The following TTC39C variants were observed in gnomAD, a reference collection of about 807,000 sequenced individuals.
TTC39C encodes tetratricopeptide repeat protein 39C.
TTC39C carries 33 observed loss-of-function variants against 76.3 expected under a neutral mutation model. That is an observed-to-expected ratio of 0.43 (90% CI 0.33 to 0.58). TTC39C has a LOEUF of 0.58. Ranked by LOEUF, TTC39C falls within the 20% of genes least tolerant of loss-of-function variation. The pLI is 0.04. For missense variants in TTC39C, 595 were observed against 701.4 expected (o/e 0.85, Z 1.71); for synonymous variants, 254 against 260.6 (o/e 0.97, Z 0.24).
chr18:24,109,794 C>T (rs1338537403), intron 6 of TTC39C, among the ~76,000 whole-genome samples: 1 of 152,044 alleles, frequency 6.6e-6, no homozygotes, highest in South Asian at 2.1e-4. Flanking sequence ...CACTTGAGGT[C>T]GGGAGCTCGA....
chr18:24,101,571 A>T (rs976448750), intron 6 of TTC39C, among the ~76,000 whole-genome samples: 1 of 148,390 alleles, frequency 6.7e-6, no homozygotes, highest in African/African-American at 2.5e-5. Context: ...AAAAAAAAAA[A>T]CATCCACATA....
At chr18:24,036,213 C>T (rs2083730388) in intron 1 of TTC39C, among the ~76,000 whole-genome samples, 1 of 152,034 alleles carries the variant, frequency 6.6e-6, no homozygotes, top group Admixed American at 6.6e-5. Flanking sequence ...ATTTGGGGTC[C>T]CTTGAGATTC....
In TTC39C at chr18:24,080,956, C is replaced by A. The variant is rs1211914774; in HGVS notation, c.815+17C>A. 6.3e-7 allele frequency: 1 copy of A among 1,584,326 alleles called. No homozygotes were observed. On this transcript the variant is annotated intron_variant, in intron 5 of 13. Coordinates refer to ENST00000317571, the MANE Select transcript of TTC39C (RefSeq NM_001135993.2). ...TTTAGCTACGTGAGTAGCTGTATTG[C>A]AATGCTTTGGTAGATAATATAGTGT... is the stretch of plus-strand genomic sequence containing the variant.
intron 1 of TTC39C, among the ~76,000 whole-genome samples, chr18:24,062,968 G>A (rs907690945): frequency 3.9e-5 from 6 of 152,042 alleles, no homozygotes; most frequent in African/African-American, 9.7e-5. Context: ...TCTCTTTCCC[G>A]TAGACCCACA....
intron 1 of TTC39C, among the ~76,000 whole-genome samples, chr18:24,024,847 C>G (rs1018453422): frequency 6.6e-6 from 1 of 152,114 alleles, no homozygotes; most frequent in Non-Finnish European, 1.5e-5. Context: ...GATTCAAACC[C>G]AAAATAAATA....
chr18:24,131,472 G>C (rs1015127066), intron 12 of TTC39C, among the ~76,000 whole-genome samples: 2 of 152,066 alleles, frequency 1.3e-5, no homozygotes, highest in Non-Finnish European at 2.9e-5. Flanking sequence ...CAGCACTTTG[G>C]GAGGCCAAGG....
In TTC39C at chr18:24,134,257, G is replaced by GTTTTTTTTTTTTTTTTTTTTTTTTTTT. The variant is rs1182625147; in HGVS notation, c.*1689_*1690insTTTTTTTTTTTTTTTTTTTTTTTTTTT. 1.2e-4 allele frequency: 6 copies of GTTTTTTTTTTTTTTTTTTTTTTTTTTT among 48,688 alleles called. 2 individuals carry two copies. Among genetic ancestry groups the GTTTTTTTTTTTTTTTTTTTTTTTTTTT allele is most frequent in the African/African-American group, 1.8e-4 (3 of 16,714 alleles). The allele number at this position is 48,688 out of a possible 1,614,324, so 3.0% of individuals were successfully genotyped here. A position where few individuals can be genotyped will look rare whatever the true frequency, so the allele number is the denominator to read the frequency against. ...TGGTGCCCAAAAATATTGGACATCT[G>GTTTTTTTTTTTTTTTTTTTTTTTTTTT]TTTTTTGTTTTTTTTTTTTTTTTTT... On this transcript the variant is annotated 3_prime_UTR_variant, in exon 14 of 14. Coordinates refer to ENST00000317571, the MANE Select transcript of TTC39C (RefSeq NM_001135993.2).
intron 1 of TTC39C, among the ~76,000 whole-genome samples, chr18:24,035,707 A>AT (rs1161729171): frequency 1.4e-4 from 11 of 80,008 alleles, no homozygotes; most frequent in Admixed American, 1.3e-3. Context: ...ATTTTCAGAC[A>AT]TTTCCCCCCC....
Position 24,130,251 on chromosome 18 carries a change from A to G in TTC39C, c.1519-62A>G, listed in dbSNP as rs986903733. 1.0e-5 allele frequency: 9 copies of G among 863,814 alleles called. No homozygotes were observed. The African/African-American group carries it at 1.4e-4, about 14-fold the overall frequency. The allele number at this position is 863,814 out of a possible 1,614,324, so 53.5% of individuals were successfully genotyped here. On this transcript the variant is annotated intron_variant, in intron 11 of 13. Transcript: ENST00000317571. Reference sequence around the variant, plus strand: ...CCCTTCCCGCCCCCTCTTGAAGATTATAATAAGCCTTATGCTAAGTAGGAA... The same window carrying G: ...CCCTTCCCGCCCCCTCTTGAAGATTGTAATAAGCCTTATGCTAAGTAGGAA...
chr18:24,023,933 CAT>C (rs201670543), intron 1 of TTC39C, among the ~76,000 whole-genome samples: 56 of 55,282 alleles, frequency 1.0e-3, no homozygotes, highest in African/African-American at 3.6e-3. Context: ...AATAAAATTA[CAT>C]ATATATATAT....
intron 7 of TTC39C, among the ~76,000 whole-genome samples, chr18:24,117,170 G>A (rs1228852437): frequency 1.3e-5 from 2 of 152,210 alleles, no homozygotes; most frequent in East Asian, 3.9e-4. Flanking sequence ...ATTAGAGAGC[G>A]TTACATGAAG....
intron 12 of TTC39C, among the ~76,000 whole-genome samples, chr18:24,131,020 C>CAAAAA (rs59161044): frequency 1.4e-4 from 2 of 14,412 alleles, no homozygotes; most frequent in African/African-American, 1.9e-4. Flanking sequence ...CTCATCTCTG[C>CAAAAA]AAAAAAAAAA....
intron 1 of TTC39C, among the ~76,000 whole-genome samples, chr18:24,053,769 G>C (rs963515088): frequency 6.6e-6 from 1 of 152,162 alleles, no homozygotes; most frequent in African/African-American, 2.4e-5. Context: ...CTGTGAAATT[G>C]GGACATTTCA....
At chr18:24,075,705 A>G (rs1302108175) in intron 4 of TTC39C, among the ~76,000 whole-genome samples, 1 of 142,634 alleles carries the variant, frequency 7.0e-6, no homozygotes, top group Non-Finnish European at 1.6e-5. Context: ...AAAAAAAAAC[A>G]AAAAAAAAAC....
intron 1 of TTC39C, among the ~76,000 whole-genome samples, chr18:24,009,146 CTG>C (rs2083377338): frequency 6.6e-6 from 1 of 152,176 alleles, no homozygotes. Flanking sequence ...CAACAAACCC[CTG>C]TGACATGAGT....
In TTC39C at chr18:24,132,947, T is replaced by C. The variant is rs539934052; in HGVS notation, c.*373T>C. 6.0e-6 allele frequency: 1 copy of C among 167,164 alleles called. No individual in the cohort carries two copies. Among genetic ancestry groups the C allele is most frequent in the African/African-American group, 2.4e-5 (1 of 42,254 alleles). The allele number at this position is 167,164 out of a possible 1,614,324, so 10.4% of individuals were successfully genotyped here. A position where few individuals can be genotyped will look rare whatever the true frequency, so the allele number is the denominator to read the frequency against. ...TATCTGAATGGGTAACATGATGAGG[T>C]ACCTGTAAAATTATTAACAATATCA... is the stretch of plus-strand genomic sequence containing the variant. On this transcript the variant is annotated 3_prime_UTR_variant, in exon 14 of 14. Transcript: ENST00000317571.
At chr18:24,099,035 G>GTGTT in intron 6 of TTC39C, among the ~76,000 whole-genome samples, 1 of 146,726 alleles carries the variant, frequency 6.8e-6, no homozygotes, top group Middle Eastern at 3.5e-3. Flanking sequence ...GTGTGTGTGT[G>GTGTT]TATATATATA....
chr18:24,132,714 A>G lies in TTC39C; in HGVS notation c.*140A>G, dbSNP rs1411711129. 1 of 590,392 alleles carries G rather than the reference A, an allele frequency of 1.7e-6. No homozygotes were observed. The highest frequency in any genetic ancestry group is 2.9e-6 in the Non-Finnish European group (1 of 347,456). 36.6% of individuals were successfully genotyped at this position (590,392 alleles called of 1,614,324 possible). ...GGGACACATTTTCCCAGTTAAGCTG[A>G]CATATTAAAGATCTCCTCTTTTAAA... is the stretch of plus-strand genomic sequence containing the variant. On this transcript the variant is annotated 3_prime_UTR_variant, in exon 14 of 14. Coordinates refer to ENST00000317571, the MANE Select transcript of TTC39C (RefSeq NM_001135993.2).
At chr18:24,101,306 A>T (rs568267197) in intron 6 of TTC39C, among the ~76,000 whole-genome samples, 456 of 8,980 alleles carry the variant, frequency 0.051, 2 homozygotes, top group African/African-American at 0.1. Context: ...AATTTTTCAT[A>T]AAAAAAAAAA....
Sources: allele counts gnomAD v4.1 joint callset (sites outside exome capture counted in the v4.1 genomes callset), GRCh38; gene constraint gnomAD v4.1.1; transcripts MANE v1.5; gene names NCBI Gene and HGNC (gene_info 2026-07-23, HGNC 2026-07-21).